Variants in SHF observed in about 807,000 individuals in gnomAD.
The protein encoded by SHF is SH2 domain-containing adapter protein F.
A neutral mutation model predicts 42.4 loss-of-function variants in SHF; 30 were observed. The observed-to-expected ratio is 0.71, with a 90% CI of 0.53 to 0.96. The LOEUF (loss-of-function observed/expected upper bound fraction) is 0.96. Among genes scored for constraint, SHF ranks in the 40% least tolerant of loss-of-function variants. SHF has a pLI of 0.00. For synonymous variants in SHF, 264 were observed against 269.9 expected (o/e 0.98, Z 0.21); for missense variants, 598 against 634.0 (o/e 0.94, Z 0.61).
At chr15:45,191,212 C>G (rs1898700619), upstream of SHF, among the ~76,000 whole-genome samples, 1 of 152,180 alleles carries the variant, frequency 6.6e-6, no homozygotes, top group South Asian at 2.1e-4. Context: ...CCTCACCCAA[C>G]TAATTTTTAA....
intron 4 of SHF, among the ~76,000 whole-genome samples, chr15:45,173,239 G>C (rs1417075099): frequency 6.6e-6 from 1 of 152,150 alleles, no homozygotes; most frequent in Non-Finnish European, 1.5e-5. Context: ...TCTGCGCCAA[G>C]GAGTTCCACA....
In SHF at chr15:45,173,700, G is replaced by C. The variant is rs764419193; in HGVS notation, c.864C>G (p.Ile288Met). The change falls in exon 4 of 7, where the codon ATC (isoleucine) becomes ATG (methionine). Residue 288 changes from isoleucine to methionine, a missense_variant. Physicochemically the swap from Ile to Met is conservative, Grantham distance 10. Transcript: ENST00000690270. ...SKAFAVDIKV[I>M]KDLPWPPPVG... is the part of the protein sequence containing the mutation. The stretch of plus-strand genomic sequence containing the variant: ...CAGGTGGAGGCCAAGGTAGGTCTTT[G>C]ATGACCTTAATGTCAACTGGAGCCA... 5.8e-6 allele frequency: 9 copies of C among 1,551,828 alleles called. No homozygotes were observed. The South Asian group carries it at 1.1e-4, about 18-fold the overall frequency.
At chr15:45,179,314 T>C (rs1774240072) in intron 1 of SHF, among the ~76,000 whole-genome samples, 1 of 152,248 alleles carries the variant, frequency 6.6e-6, no homozygotes, top group Admixed American at 6.5e-5. Flanking sequence ...TGCAAAAGGC[T>C]GCCAACCTGC....
Position 45,187,786 on chromosome 15 carries a change from C to T in SHF, c.166G>A (p.Gly56Ser). 3.6e-6 allele frequency: 3 copies of T among 839,082 alleles called. No individual in the cohort carries two copies. Among genetic ancestry groups the T allele is most frequent in the Non-Finnish European group, 4.7e-6 (3 of 638,914 alleles). 52.0% of individuals were successfully genotyped at this position (839,082 alleles called of 1,614,324 possible). ...CCGCCGCCGCCCCCCCCGCGGAAGC[C>T]CAGGTGCTCCCGGAGCCACTTGGCT... ...GVAKWLREHL[G>S]FRGGGGGGGG... The change falls in exon 1 of 7, where the codon GGC (glycine) becomes AGC (serine). Residue 56 changes from glycine to serine, a missense_variant. Gly to Ser is a moderately conservative substitution (Grantham distance 56). Transcript: ENST00000690270.
At chr15:45,197,812 A>C (rs1035339895) in intron 2 of SHF, among the ~76,000 whole-genome samples, 4 of 141,596 alleles carry the variant, frequency 2.8e-5, no homozygotes, top group East Asian at 2.1e-4. Context: ...TTCTGTTCAC[A>C]TTCCATCACC....
upstream of SHF, among the ~76,000 whole-genome samples, chr15:45,190,918 T>C (rs1898693191): frequency 1.3e-5 from 2 of 152,198 alleles, no homozygotes; most frequent in Non-Finnish European, 2.9e-5. Flanking sequence ...CTTTCCTCCA[T>C]TACCAGAGTA....
At chr15:45,191,866 A>ATGT (rs1173948013), upstream of SHF, among the ~76,000 whole-genome samples, 5 of 151,578 alleles carry the variant, frequency 3.3e-5, no homozygotes, top group Non-Finnish European at 5.9e-5. Context: ...AGGTGGGCGG[A>ATGT]TCACTTGAAC....
intron 2 of SHF, chr15:45,198,769 T>TAA: frequency 6.2e-7 from 1 of 1,607,138 alleles, no homozygotes; most frequent in South Asian, 1.1e-5. Flanking sequence ...ATGGCCTACT[T>TAA]ACGGGGCGAG....
intron 2 of SHF, among the ~76,000 whole-genome samples, chr15:45,196,416 G>T (rs1463203059): frequency 2.0e-5 from 3 of 152,158 alleles, no homozygotes; most frequent in Admixed American, 6.5e-5. Flanking sequence ...AATATCAGAA[G>T]ATCTGGTGCA....
chr15:45,200,977 C>G (rs1180331090), exon 1 of SHF: 19 of 401,338 alleles, frequency 4.7e-5, no homozygotes, highest in Middle Eastern at 6.9e-4. Flanking sequence ...TGCGTACAGC[C>G]AAGAGGAGAC....
At chr15:45,188,028 T>G, upstream of SHF, 1 of 205,422 alleles carries the variant, frequency 4.9e-6, no homozygotes, top group Non-Finnish European at 9.4e-6. Flanking sequence ...GGGGCGGGGC[T>G]CCGCCGGGCG....
At chr15:45,180,487 C>T (rs1010567183) in intron 1 of SHF, among the ~76,000 whole-genome samples, 7 of 152,222 alleles carry the variant, frequency 4.6e-5, no homozygotes, top group African/African-American at 1.2e-4. Flanking sequence ...ATAAACCTTG[C>T]GATGGCTCTC....
In SHF at chr15:45,199,953, C is replaced by CAA. The variant is rs56982094; in HGVS notation, c.-47+772_-47+773dup. On this transcript the variant is annotated intron_variant, in intron 1 of 7. Transcript: ENST00000290894. The stretch of plus-strand genomic sequence containing the variant: ...TGGGTGACAGAGCGAGGCTCCATCT[C>CAA]AAAAAAAAAAAAAAAAAAAAAAAAA... 5 of 59,520 alleles carry CAA rather than the reference C, an allele frequency of 8.4e-5. No homozygotes were observed. In the East Asian group the frequency reaches 2.2e-3, roughly 26 times the overall value. 3.7% of individuals were successfully genotyped at this position (59,520 alleles called of 1,614,324 possible). A position where few individuals can be genotyped will look rare whatever the true frequency, so the allele number is the denominator to read the frequency against.
At chr15:45,188,065 A>C, upstream of SHF, 1 of 383,986 alleles carries the variant, frequency 2.6e-6, no homozygotes, top group Non-Finnish European at 4.0e-6. Flanking sequence ...CTTCAGTAAC[A>C]AGGGAGAGGC....
At chr15:45,198,663 C>T (rs1335600331) in intron 2 of SHF, 1 of 1,427,544 alleles carries the variant, frequency 7.0e-7, no homozygotes, top group Non-Finnish European at 9.4e-7. Flanking sequence ...GTACTAACCA[C>T]TATACGATCA....
upstream of SHF, among the ~76,000 whole-genome samples, chr15:45,188,529 T>G (rs1294110714): frequency 6.6e-6 from 1 of 152,198 alleles, no homozygotes; most frequent in Non-Finnish European, 1.5e-5. Flanking sequence ...TACCCGAACC[T>G]ACGTTACTTC....
At chr15:45,184,352 C>T (rs1898276318) in intron 1 of SHF, among the ~76,000 whole-genome samples, 1 of 152,160 alleles carries the variant, frequency 6.6e-6, no homozygotes, top group Admixed American at 6.5e-5. Flanking sequence ...CTATGAAGTA[C>T]ATCTATTTTT....
chr15:45,169,619 G>A (rs544514055), intron 6 of SHF, among the ~76,000 whole-genome samples: 1 of 152,316 alleles, frequency 6.6e-6, no homozygotes, highest in Non-Finnish European at 1.5e-5. Flanking sequence ...TCTCAGTTTG[G>A]GGCTGACCCC....
chr15:45,171,550 C>A, intron 6 of SHF: 1 of 351,964 alleles, frequency 2.8e-6, no homozygotes, highest in South Asian at 4.0e-5. Context: ...ATGCTAAGCA[C>A]TTCCCATGCA....
Sources: allele counts gnomAD v4.1 joint callset (sites outside exome capture counted in the v4.1 genomes callset), GRCh38; gene constraint gnomAD v4.1.1; transcripts MANE v1.5; gene names NCBI Gene and HGNC (gene_info 2026-07-23, HGNC 2026-07-21).